Variants in CACNA2D3 observed in about 807,000 individuals in gnomAD.
The protein encoded by CACNA2D3 is voltage-dependent calcium channel subunit alpha-2/delta-3.
In CACNA2D3, 60 loss-of-function variants were observed where a neutral mutation model predicts 160.6. The ratio of observed to expected loss-of-function variants is 0.37; its 90% confidence interval spans 0.30 to 0.46. CACNA2D3 has a LOEUF of 0.46. CACNA2D3 is among the 20% of genes least tolerant of loss of function. The probability of loss-of-function intolerance (pLI) is 1.00; values close to 1 mark genes in which losing one functional copy is unlikely to be tolerated. For missense variants in CACNA2D3, 1,205 were observed against 1,365.0 expected (o/e 0.88, Z 1.85); for synonymous variants, 558 against 492.9 (o/e 1.13, Z -1.75).
chr3:55,008,957 C>G (rs1400244278), intron 33 of CACNA2D3, among the ~76,000 whole-genome samples: 1 of 147,208 alleles, frequency 6.8e-6, no homozygotes, highest in Non-Finnish European at 1.5e-5. Flanking sequence ...TCGCAGTATT[C>G]ATTTTGAAAG....
At chr3:54,780,242 G>T (rs1702506446) in intron 13 of CACNA2D3, among the ~76,000 whole-genome samples, 1 of 152,182 alleles carries the variant, frequency 6.6e-6, no homozygotes, top group African/African-American at 2.4e-5. Context: ...ATCAAGTTTA[G>T]GTCTGAAGCA....
chr3:54,757,702 G>T (rs531913360), intron 12 of CACNA2D3, among the ~76,000 whole-genome samples: 2 of 152,212 alleles, frequency 1.3e-5, no homozygotes, highest in Non-Finnish European at 2.9e-5. Context: ...CTAAGTGCCA[G>T]GCATAGAACA....
At chr3:54,460,981 A>G (rs941314167) in intron 4 of CACNA2D3, among the ~76,000 whole-genome samples, 14 of 151,244 alleles carry the variant, frequency 9.3e-5, no homozygotes, top group Non-Finnish European at 2.1e-4. Flanking sequence ...AGTTTTTAGC[A>G]TGAAGAGTTG....
chr3:54,829,133 T>C (rs1326488971), intron 14 of CACNA2D3, among the ~76,000 whole-genome samples: 1 of 152,152 alleles, frequency 6.6e-6, no homozygotes, highest in African/African-American at 2.4e-5. Context: ...ATTAGCCAAG[T>C]AGGCAGAATC....
intron 27 of CACNA2D3, among the ~76,000 whole-genome samples, chr3:54,943,808 G>T (rs937008075): frequency 1.3e-5 from 2 of 152,064 alleles, no homozygotes; most frequent in Non-Finnish European, 2.9e-5. Context: ...GGGCATGCAG[G>T]CACCTAAGAC....
intron 11 of CACNA2D3, among the ~76,000 whole-genome samples, chr3:54,674,434 T>C (rs770319221): frequency 4.6e-5 from 7 of 151,528 alleles, no homozygotes; most frequent in African/African-American, 7.3e-5. Context: ...CTTAGGAGAG[T>C]TGGGAAGATA....
intron 2 of CACNA2D3, among the ~76,000 whole-genome samples, chr3:54,225,347 C>T (rs1180634198): frequency 6.6e-6 from 1 of 152,150 alleles, no homozygotes; most frequent in Non-Finnish European, 1.5e-5. Flanking sequence ...TATCTTTTAT[C>T]ACCTTCTGAA....
chr3:54,392,656 G>A (rs1251739777), intron 4 of CACNA2D3, among the ~76,000 whole-genome samples: 2 of 152,154 alleles, frequency 1.3e-5, no homozygotes, highest in Non-Finnish European at 2.9e-5. Context: ...GATTTCAAAG[G>A]TGGGGTGGGG....
chr3:54,850,770 T>C (rs1455340978), intron 17 of CACNA2D3, among the ~76,000 whole-genome samples: 1 of 152,210 alleles, frequency 6.6e-6, no homozygotes, highest in Non-Finnish European at 1.5e-5. Flanking sequence ...GAAGCCTGCA[T>C]TGAAATTGGC....
In CACNA2D3 at chr3:54,767,248, A is replaced by T. The variant is rs533441511; in HGVS notation, c.1380+2897A>T. On this transcript the variant is annotated intron_variant, in intron 13 of 37. Coordinates refer to ENST00000474759, the MANE Select transcript of CACNA2D3 (RefSeq NM_018398.3). ...CCAATAATATTTCAAGTGAATAAAA[A>T]ATTTCTCAGAAAGGGAGGAAAAAAA... is the stretch of plus-strand genomic sequence containing the variant. 8.5e-5 allele frequency among the ~76,000 whole-genome samples: 13 copies of T among 152,336 alleles called. No individual in the cohort carries two copies. The South Asian group carries it at 1.2e-3, about 15-fold the overall frequency.
At chr3:54,293,349 C>T (rs1331418641) in intron 2 of CACNA2D3, among the ~76,000 whole-genome samples, 3 of 152,100 alleles carry the variant, frequency 2.0e-5, no homozygotes, top group Non-Finnish European at 4.4e-5. Context: ...ATCCCTCACC[C>T]ACCTTACAAC....
chr3:54,212,273 A>G (rs1444188299), intron 2 of CACNA2D3, among the ~76,000 whole-genome samples: 1 of 152,148 alleles, frequency 6.6e-6, no homozygotes, highest in Non-Finnish European at 1.5e-5. Context: ...ATCAATCAGT[A>G]TCTGTAAGGT....
At chr3:54,645,151 A>T (rs1236724997) in intron 11 of CACNA2D3, among the ~76,000 whole-genome samples, 1 of 152,224 alleles carries the variant, frequency 6.6e-6, no homozygotes, top group Non-Finnish European at 1.5e-5. Flanking sequence ...CAATCATGGC[A>T]GAAGGGGAAG....
intron 2 of CACNA2D3, among the ~76,000 whole-genome samples, chr3:54,295,778 T>A (rs916718186): frequency 6.6e-6 from 1 of 152,214 alleles, no homozygotes; most frequent in Non-Finnish European, 1.5e-5. Flanking sequence ...AAGAATTTCC[T>A]TGTGATAAAA....
At chr3:54,463,963 T>G (rs562499729) in intron 4 of CACNA2D3, among the ~76,000 whole-genome samples, 2 of 152,342 alleles carry the variant, frequency 1.3e-5, no homozygotes, top group African/African-American at 4.8e-5. Flanking sequence ...TGGATGTCCT[T>G]TCTGTTTGTT....
intron 8 of CACNA2D3, 77 bp from the exon 9 acceptor site, chr3:54,581,726 C>T (rs1281004158): frequency 5.8e-5 from 68 of 1,177,502 alleles, no homozygotes; most frequent in Middle Eastern, 2.6e-4. Context: ...TGTTTGTGTG[C>T]GTACCTCCTT....
chr3:54,456,590 G>C (rs1451490887), intron 4 of CACNA2D3, among the ~76,000 whole-genome samples: 1 of 151,858 alleles, frequency 6.6e-6, no homozygotes, highest in Non-Finnish European at 1.5e-5. Flanking sequence ...TTGTGTCCTT[G>C]TCTGGTATTG....
chr3:54,458,129 T>C (rs1003911241), intron 4 of CACNA2D3, among the ~76,000 whole-genome samples: 5 of 152,194 alleles, frequency 3.3e-5, no homozygotes, highest in African/African-American at 9.6e-5. Flanking sequence ...TGTTAATTGG[T>C]TTTTGATAAG....
In CACNA2D3 at chr3:54,582,095, T is replaced by A. The variant is rs189579913; in HGVS notation, c.963+218T>A. Among the ~76,000 whole-genome samples, 354 of 152,348 alleles carry A rather than the reference T, an allele frequency of 2.3e-3. 1 individual carries two copies. The highest frequency in any genetic ancestry group is 8.0e-3 in the African/African-American group (331 of 41,574). On this transcript the variant is annotated intron_variant, in intron 9 of 37. Transcript: ENST00000474759. ...CTTGCTAGTTCTGAAACAATTGCAT[T>A]CACTTATTGTCCTTGTGCTCTAATA...
Sources: gnomAD v4.1 joint callset for allele counts (sites outside exome capture counted in the v4.1 genomes callset) on GRCh38, gnomAD v4.1.1 for gene constraint, MANE v1.5 for transcripts, NCBI Gene and HGNC (gene_info 2026-07-23, HGNC 2026-07-21) for gene names.